Variants in ANAPC15 observed in about 807,000 individuals in gnomAD.
ANAPC15 encodes the protein anaphase promoting complex subunit 15.
In ANAPC15, 13 loss-of-function variants were observed where a neutral mutation model predicts 19.8. The ratio of observed to expected loss-of-function variants is 0.66; its 90% CI spans 0.43 to 1.04. ANAPC15 has a LOEUF of 1.04. ANAPC15 is among the 50% of genes least tolerant of loss of function. The pLI is 0.00. For synonymous variants in ANAPC15, 45 were observed against 50.7 expected (o/e 0.89, Z 0.47); for missense variants, 88 against 150.3 (o/e 0.59, Z 2.17).
downstream of ANAPC15, chr11:72,108,514 A>AC: frequency 8.6e-7 from 1 of 1,167,304 alleles, no homozygotes; most frequent in Non-Finnish European, 1.2e-6. Flanking sequence ...CTAAGCCAGG[A>AC]CCTGGCATGA....
downstream of ANAPC15, among the ~76,000 whole-genome samples, chr11:72,108,346 A>G (rs1945935067): frequency 6.6e-6 from 1 of 152,168 alleles, no homozygotes; most frequent in Admixed American, 6.5e-5. Context: ...AACCCAGCAA[A>G]TTTGGGTCCA....
At chr11:72,107,154 C>A, downstream of ANAPC15, 1 of 421,732 alleles carries the variant, frequency 2.4e-6, no homozygotes. Flanking sequence ...GTGGTTCCAG[C>A]TACTGGAAAT....
At chr11:72,108,811 G>A (rs1399672322), downstream of ANAPC15, 2 of 1,550,616 alleles carry the variant, frequency 1.3e-6, no homozygotes, top group South Asian at 2.4e-5. Flanking sequence ...CCCGCTTCTT[G>A]CAGTATGCTA....
intron 3 of ANAPC15, 101 bp from the exon 4 acceptor site, chr11:72,110,704 G>T (rs912690379): frequency 5.2e-5 from 67 of 1,281,918 alleles, no homozygotes; most frequent in Middle Eastern, 1.9e-4. Context: ...CACACGTGTT[G>T]GGGAGAAGCT....
At chr11:72,110,365 A>G (rs904248125) in intron 4 of ANAPC15, 140 bp from the exon 5 acceptor site, 3 of 1,550,050 alleles carry the variant, frequency 1.9e-6, no homozygotes, top group African/African-American at 2.7e-5. Flanking sequence ...AGGCTGGTGC[A>G]TGTTCTGCAG....
At chr11:72,109,167 A>G, downstream of ANAPC15, 1 of 542,044 alleles carries the variant, frequency 1.8e-6, no homozygotes, top group Non-Finnish European at 3.4e-6. Flanking sequence ...GACAGCAAGA[A>G]GCCTGAGCTC....
At chr11:72,108,772 G>A (rs1946004100), downstream of ANAPC15, 4 of 1,550,330 alleles carry the variant, frequency 2.6e-6, no homozygotes, top group African/African-American at 1.4e-5. Context: ...CCACCGTGCT[G>A]GCTGACCATG....
chr11:72,108,845 C>T (rs368590279), downstream of ANAPC15: 85 of 1,550,694 alleles, frequency 5.5e-5, no homozygotes, highest in African/African-American at 4.8e-4. Flanking sequence ...CTACCGCTGC[C>T]GCCTCCACCA....
chr11:72,107,199 C>T (rs566615512), downstream of ANAPC15: 6 of 503,998 alleles, frequency 1.2e-5, no homozygotes, highest in South Asian at 2.8e-5. Flanking sequence ...CCTGGGTGGT[C>T]AAGGCTGCAG....
chr11:72,107,359 G>T, downstream of ANAPC15: 2 of 656,076 alleles, frequency 3.0e-6, no homozygotes, highest in East Asian at 2.7e-5. Flanking sequence ...TTCTAACAGA[G>T]ACCTTTCATA....
downstream of ANAPC15, chr11:72,108,715 G>A (rs984536181): frequency 6.5e-7 from 1 of 1,549,768 alleles, no homozygotes; most frequent in Non-Finnish European, 8.7e-7. Context: ...GATGTTACCT[G>A]AGGGACCTGC....
upstream of ANAPC15, chr11:72,112,717 C>T: frequency 4.4e-6 from 2 of 456,672 alleles, no homozygotes; most frequent in South Asian, 1.5e-5. Context: ...AAGAACCCAC[C>T]AGAATCCGGG....
rs564066034 is a variant in ANAPC15 at position 72,112,490 on chromosome 11, G to T, written c.-96+160C>A. On this transcript the variant is annotated intron_variant, in intron 1 of 5. Coordinates refer to ENST00000227618, the MANE Select transcript of ANAPC15 (RefSeq NM_014042.3). Reference sequence around the variant, plus strand: ...GACGGACCTTGTGTGACGGGGTGGGGCTTAGTCTCGAGGAAGCGGCCAATG... The same window carrying T: ...GACGGACCTTGTGTGACGGGGTGGGTCTTAGTCTCGAGGAAGCGGCCAATG... The T allele has an allele frequency of 4.9e-4, 154 of 315,308 alleles. 1 individual carries two copies. Among genetic ancestry groups the T allele is most frequent in the African/African-American group, 3.2e-3 (147 of 45,540 alleles). The allele number at this position is 315,308 out of a possible 1,614,324, so 19.5% of individuals were successfully genotyped here.
chr11:72,110,458 G>A (rs1565336238), intron 4 of ANAPC15, 86 bp downstream of exon 4: 5 of 1,583,314 alleles, frequency 3.2e-6, no homozygotes, highest in Non-Finnish European at 3.5e-6. Flanking sequence ...CAACTGCTCT[G>A]GGTCAGAGAC....
At chr11:72,110,680 C>A (rs995625058) in intron 3 of ANAPC15, 77 bp from the exon 4 acceptor site, 17 of 1,530,572 alleles carry the variant, frequency 1.1e-5, no homozygotes, top group African/African-American at 1.4e-5. Flanking sequence ...GCCCATTCTG[C>A]CCAGAAGACA....
In ANAPC15 at chr11:72,109,767, G is replaced by T; in HGVS notation, c.*114C>A. On this transcript the variant is annotated 3_prime_UTR_variant, in exon 6 of 6. Transcript: ENST00000227618. ...GCAGCAGCTGAGGAGGTGCCCAAGGGCACTTTCAGGCACTGGGGCCATCAG... is the reference window on the plus strand; with the variant it reads ...GCAGCAGCTGAGGAGGTGCCCAAGGTCACTTTCAGGCACTGGGGCCATCAG... 7.5e-7 allele frequency: 1 copy of T among 1,338,630 alleles called. No homozygotes were observed. Among genetic ancestry groups the T allele is most frequent in the Non-Finnish European group, 1.1e-6 (1 of 935,902 alleles). The allele number at this position is 1,338,630 out of a possible 1,614,324, so 82.9% of individuals were successfully genotyped here.
chr11:72,108,502 A>C (rs1426151727), downstream of ANAPC15: 1 of 1,004,080 alleles, frequency 1.0e-6, no homozygotes, highest in African/African-American at 1.6e-5. Flanking sequence ...ACTCATGGGA[A>C]GCTAAGCCAG....
intron 1 of ANAPC15, chr11:72,111,880 A>G (rs1445565565): frequency 6.5e-6 from 1 of 153,144 alleles, no homozygotes; most frequent in African/African-American, 2.4e-5. Context: ...AGGCATGAAT[A>G]AGTGGATAAA....
downstream of ANAPC15, chr11:72,107,848 G>C (rs1451876628): frequency 6.7e-7 from 1 of 1,496,008 alleles, no homozygotes. Context: ...AGGCAGGTAG[G>C]CATTTGAGAT....
Sources: allele counts gnomAD v4.1 joint callset (sites outside exome capture counted in the v4.1 genomes callset), GRCh38; gene constraint gnomAD v4.1.1; transcripts MANE v1.5; gene names NCBI Gene and HGNC (gene_info 2026-07-23, HGNC 2026-07-21).